The following CPNE5 variants were observed in gnomAD, a reference collection of about 807,000 sequenced individuals.
The protein encoded by CPNE5 is copine-5.
In CPNE5, 42 loss-of-function variants were observed where a neutral mutation model predicts 81.1. The observed-to-expected ratio is 0.52, with a 90% CI of 0.40 to 0.67. CPNE5 has a LOEUF of 0.67. CPNE5 is among the 30% of genes least tolerant of loss of function. The pLI is 0.00. For missense variants in CPNE5, 612 were observed against 815.5 expected (o/e 0.75, Z 3.04); for synonymous variants, 313 against 321.5 (o/e 0.97, Z 0.28).
intron 8 of CPNE5, among the ~76,000 whole-genome samples, chr6:36,790,563 G>A (rs1768992354): frequency 1.3e-5 from 2 of 152,140 alleles, no homozygotes; most frequent in Admixed American, 6.5e-5. Flanking sequence ...AATGATTATT[G>A]GGAGTTATTG....
chr6:36,775,124 A>G, intron 9 of CPNE5, 59 bp from the exon 10 acceptor site: 1 of 1,232,870 alleles, frequency 8.1e-7, no homozygotes, highest in East Asian at 2.3e-5. Context: ...AGGCGAATGC[A>G]GGTCAACAGA....
intron 8 of CPNE5, among the ~76,000 whole-genome samples, chr6:36,779,340 T>C (rs573641075): frequency 6.6e-6 from 1 of 152,332 alleles, no homozygotes; most frequent in African/African-American, 2.4e-5. Flanking sequence ...GTGAGGCACG[T>C]GGCAACCCCT....
At chr6:36,752,901 G>C in intron 14 of CPNE5, 133 bp downstream of exon 14, 1 of 681,218 alleles carries the variant, frequency 1.5e-6, no homozygotes. Flanking sequence ...ACCAGGGTTT[G>C]CTCAGAGCCC....
intron 3 of CPNE5, among the ~76,000 whole-genome samples, chr6:36,814,465 C>T (rs1394668757): frequency 6.6e-6 from 1 of 152,154 alleles, no homozygotes; most frequent in Admixed American, 6.5e-5. Flanking sequence ...GGGAAATTGG[C>T]AAAGCTATTT....
intron 12 of CPNE5, among the ~76,000 whole-genome samples, chr6:36,759,248 T>C (rs897565487): frequency 2.0e-5 from 3 of 152,228 alleles, no homozygotes; most frequent in African/African-American, 7.2e-5. Flanking sequence ...GTTAAAGCAA[T>C]GTTCTGTTCT....
intron 3 of CPNE5, among the ~76,000 whole-genome samples, chr6:36,808,933 G>A (rs549183386): frequency 1.3e-3 from 193 of 152,322 alleles, no homozygotes; most frequent in African/African-American, 4.6e-3. Context: ...AGGCTGGCTG[G>A]CTCCAAATCA....
At chr6:36,753,713 C>G (rs1017419148) in intron 13 of CPNE5, among the ~76,000 whole-genome samples, 1 of 152,228 alleles carries the variant, frequency 6.6e-6, no homozygotes, top group Non-Finnish European at 1.5e-5. Context: ...GCCCCCTCCC[C>G]CAAGCAGAGG....
At chr6:36,775,246 C>A (rs1767400403) in intron 9 of CPNE5, among the ~76,000 whole-genome samples, 181 bp from the exon 10 acceptor site, 1 of 152,214 alleles carries the variant, frequency 6.6e-6, no homozygotes, top group South Asian at 2.1e-4. Flanking sequence ...CGGCCATTTG[C>A]TGGAGATCCT....
At chr6:36,817,775 G>A (rs1316530337) in intron 3 of CPNE5, among the ~76,000 whole-genome samples, 2 of 152,158 alleles carry the variant, frequency 1.3e-5, no homozygotes, top group Admixed American at 6.5e-5. Context: ...ATAGGAGGAC[G>A]GGAAGAGACT....
intron 9 of CPNE5, among the ~76,000 whole-genome samples, chr6:36,776,411 C>T (rs1767507957): frequency 6.6e-6 from 1 of 152,190 alleles, no homozygotes; most frequent in Non-Finnish European, 1.5e-5. Flanking sequence ...TGGGAGACCT[C>T]CCCACACACC....
At position 36,742,455 on chromosome 6, in the gene CPNE5, G is replaced by C. The variant is rs1273203283; in HGVS notation, c.1595C>G (p.Thr532Arg). 1 of 1,613,136 alleles carries C rather than the reference G, an allele frequency of 6.2e-7. No individual in the cohort carries two copies. The highest frequency in any genetic ancestry group is 8.5e-7 in the Non-Finnish European group (1 of 1,179,958). ...GGCCATGCTCAGCACGTGGTTGCCTGTGCGGTCCACGTAGTCCCGGAAGGG... is the reference window on the plus strand; with the variant it reads ...GGCCATGCTCAGCACGTGGTTGCCTCTGCGGTCCACGTAGTCCCGGAAGGG... Reference protein sequence around the residue: ...FVPFRDYVDRTGNHVLSMARL... With the variant: ...FVPFRDYVDRRGNHVLSMARL... Residue 532 changes from threonine to arginine, a missense_variant, in exon 21 of 21, where the codon ACA becomes AGA. Thr to Arg is a moderately conservative substitution (Grantham distance 71, BLOSUM62 -1). Transcript: ENST00000244751.
intron 11 of CPNE5, 79 bp from the exon 12 acceptor site, chr6:36,763,071 T>C (rs922328602): frequency 7.8e-7 from 1 of 1,278,572 alleles, no homozygotes; most frequent in Non-Finnish European, 1.1e-6. Flanking sequence ...CACACATCCG[T>C]TTCTTTGGCT....
At chr6:36,773,204 C>T (rs1767196939) in intron 10 of CPNE5, among the ~76,000 whole-genome samples, 1 of 152,172 alleles carries the variant, frequency 6.6e-6, no homozygotes, top group Non-Finnish European at 1.5e-5. Context: ...CACCCCAGTG[C>T]TCCTGTCGGA....
Position 36,794,656 on chromosome 6 carries a change from A to G in CPNE5, c.405-7T>C, listed in dbSNP as rs761946367. ...CAGGCTGAATGCGCCTATCCTGTGG[A>G]GAGAGAGGGGGAGAGAGAGCATGCC... is the stretch of plus-strand genomic sequence containing the variant. On this transcript the variant is annotated splice_polypyrimidine_tract_variant and splice_region_variant and intron_variant, in intron 6 of 20. Transcript: ENST00000244751. The G allele has an allele frequency of 2.5e-6, 4 of 1,605,102 alleles. No individual in the cohort carries two copies. Among genetic ancestry groups the G allele is most frequent in the Non-Finnish European group, 3.4e-6 (4 of 1,178,680 alleles).
At chr6:36,744,488 G>A (rs1763905408) in intron 18 of CPNE5, 163 bp from the exon 19 acceptor site, 1 of 635,478 alleles carries the variant, frequency 1.6e-6, no homozygotes, top group Admixed American at 2.5e-5. Flanking sequence ...GGAGAGGGAG[G>A]GCACTCAGAG....
intron 1 of CPNE5, among the ~76,000 whole-genome samples, chr6:36,832,395 C>T (rs1215521048): frequency 6.6e-6 from 1 of 152,132 alleles, no homozygotes; most frequent in Non-Finnish European, 1.5e-5. Context: ...GCACATGAGA[C>T]CCAGCTTTGG....
intron 14 of CPNE5, among the ~76,000 whole-genome samples, chr6:36,750,239 A>G (rs1764657588): frequency 6.6e-6 from 1 of 152,240 alleles, no homozygotes; most frequent in South Asian, 2.1e-4. Context: ...GGTGCCTATC[A>G]GAAACCACAG....
chr6:36,784,485 T>A (rs1313156899), intron 8 of CPNE5, among the ~76,000 whole-genome samples: 1 of 152,206 alleles, frequency 6.6e-6, no homozygotes, highest in Non-Finnish European at 1.5e-5. Flanking sequence ...TGTGAATGGT[T>A]CAACCCCTTG....
chr6:36,823,389 A>G (rs1309881064), intron 1 of CPNE5, among the ~76,000 whole-genome samples: 1 of 152,058 alleles, frequency 6.6e-6, no homozygotes, highest in Non-Finnish European at 1.5e-5. Context: ...ACAGCCACTC[A>G]CCATCGGGGG....
Sources: gnomAD v4.1 joint callset for allele counts (sites outside exome capture counted in the v4.1 genomes callset) on GRCh38, gnomAD v4.1.1 for gene constraint, MANE v1.5 for transcripts, NCBI Gene and HGNC (gene_info 2026-07-23, HGNC 2026-07-21) for gene names.